Variants in ANKRD11 observed in about 807,000 individuals in gnomAD.
ANKRD11 encodes ankyrin repeat domain 11, also known as ankyrin repeat domain-containing protein 11.
ANKRD11 carries 17 observed loss-of-function variants against 195.7 expected under a neutral mutation model. That is an observed-to-expected ratio of 0.09 (90% CI 0.06 to 0.13). ANKRD11 has a LOEUF of 0.13. Ranked by LOEUF, ANKRD11 falls within the 10% of genes least tolerant of loss-of-function variation. The pLI is 1.00. For synonymous variants in ANKRD11, 1,953 were observed against 1,528.1 expected (o/e 1.28, Z -6.49); for missense variants, 3,735 against 3,566.1 (o/e 1.05, Z -1.21).
chr16:89,348,284 T>C (rs558408405), intron 2 of ANKRD11, among the ~76,000 whole-genome samples: 18 of 152,302 alleles, frequency 1.2e-4, no homozygotes, highest in African/African-American at 3.6e-4. Context: ...GGCATTTCAT[T>C]TTCCTTATGT....
chr16:89,308,261 T>C (rs760202644), intron 3 of ANKRD11, among the ~76,000 whole-genome samples: 3 of 152,170 alleles, frequency 2.0e-5, no homozygotes, highest in Non-Finnish European at 4.4e-5. Flanking sequence ...AGCAATGTAA[T>C]TCACCACATT....
intron 2 of ANKRD11, among the ~76,000 whole-genome samples, chr16:89,378,859 T>C (rs756976331): frequency 7.1e-6 from 1 of 141,256 alleles, no homozygotes; most frequent in Non-Finnish European, 1.5e-5. Context: ...AAGGGGTTGA[T>C]GGGTGGGGCG....
rs755705692 is a variant in ANKRD11 at position 89,285,100 on chromosome 16, G to A, written c.1442C>T (p.Ser481Leu). 2.0e-5 allele frequency: 32 copies of A among 1,613,656 alleles called. No homozygotes were observed. Among genetic ancestry groups the A allele is most frequent in the Admixed American group, 8.3e-5 (5 of 60,010 alleles). Residue 481 changes from serine to leucine, a missense_variant, in exon 9 of 13, where the codon TCG becomes TTG. Transcript: ENST00000301030. This position sits in a 1 kb window ranked among gnomAD's most constrained non-coding sequence, Gnocchi z 5.6. The part of the protein sequence containing the change: ...KRSDKFCSSE[S>L]ESESSESGED... ...CCCACTCTCTGAGGACTCGCTCTCCGACTCCGAGGAGCAGAACTTGTCGCT... is the reference window on the plus strand; with the variant it reads ...CCCACTCTCTGAGGACTCGCTCTCCAACTCCGAGGAGCAGAACTTGTCGCT...
chr16:89,369,413 G>A (rs1157679673), intron 2 of ANKRD11, among the ~76,000 whole-genome samples: 1 of 152,252 alleles, frequency 6.6e-6, no homozygotes, highest in Non-Finnish European at 1.5e-5. Context: ...GTGCTCTGAT[G>A]CCTGCTGCAG....
intron 2 of ANKRD11, among the ~76,000 whole-genome samples, chr16:89,383,542 A>G (rs2040757358): frequency 6.6e-6 from 1 of 152,232 alleles, no homozygotes; most frequent in East Asian, 1.9e-4. Context: ...AAGAAGGAAG[A>G]GCCATGAAGT....
intron 2 of ANKRD11, among the ~76,000 whole-genome samples, chr16:89,354,106 C>A (rs1243582345): frequency 6.6e-6 from 1 of 152,172 alleles, no homozygotes; most frequent in African/African-American, 2.4e-5. Context: ...CCCTCAGGTG[C>A]CGCCTGCAAG....
chr16:89,293,414 G>A (rs2035193980), intron 4 of ANKRD11, among the ~76,000 whole-genome samples: 1 of 150,682 alleles, frequency 6.6e-6, no homozygotes, highest in Non-Finnish European at 1.5e-5. Flanking sequence ...TTGGGGTTGC[G>A]GAGGGAGGAG....
At chr16:89,441,885 G>A (rs556002979) in intron 1 of ANKRD11, among the ~76,000 whole-genome samples, 11 of 150,564 alleles carry the variant, frequency 7.3e-5, no homozygotes, top group Non-Finnish European at 1.5e-5. Flanking sequence ...GGTGGCAGCC[G>A]ACTATGGCAC....
At chr16:89,482,930 G>C (rs1237069197) in intron 1 of ANKRD11, among the ~76,000 whole-genome samples, 1 of 152,208 alleles carries the variant, frequency 6.6e-6, no homozygotes, top group African/African-American at 2.4e-5. Context: ...GGAGCCTCCA[G>C]AAGGAACCAG....
chr16:89,304,537 TAC>T (rs766947596), intron 4 of ANKRD11, among the ~76,000 whole-genome samples: 2 of 138,070 alleles, frequency 1.4e-5, no homozygotes, highest in African/African-American at 5.6e-5. Context: ...CACACATGGG[TAC>T]ACACAAGCAC....
intron 2 of ANKRD11, among the ~76,000 whole-genome samples, chr16:89,399,914 T>C (rs2041622840): frequency 6.6e-6 from 1 of 152,178 alleles, no homozygotes; most frequent in Non-Finnish European, 1.5e-5. Flanking sequence ...GAAGGTCCAG[T>C]GCACCAGGAC....
At chr16:89,483,992 C>A (rs919992806) in intron 1 of ANKRD11, among the ~76,000 whole-genome samples, 2 of 152,226 alleles carry the variant, frequency 1.3e-5, no homozygotes, top group Middle Eastern at 3.4e-3. Context: ...TCCACAAAGT[C>A]TAAAAATTCC....
At chr16:89,322,184 GTT>G (rs2037367247) in intron 2 of ANKRD11, among the ~76,000 whole-genome samples, 2 of 152,154 alleles carry the variant, frequency 1.3e-5, no homozygotes, top group African/African-American at 4.8e-5. Context: ...TTGTTCAAGG[GTT>G]TGCTGTAATT....
At chr16:89,450,089 T>A (rs2044000859) in intron 1 of ANKRD11, among the ~76,000 whole-genome samples, 1 of 152,184 alleles carries the variant, frequency 6.6e-6, no homozygotes, top group Non-Finnish European at 1.5e-5. Flanking sequence ...ACAATTGTGT[T>A]ACTGAATGTG....
chr16:89,322,790 C>T (rs1197479200), intron 2 of ANKRD11, among the ~76,000 whole-genome samples: 1 of 152,108 alleles, frequency 6.6e-6, no homozygotes. Flanking sequence ...TGAGGTGTGG[C>T]CTGCCTGCAG....
chr16:89,305,765 G>A (rs1308857746), intron 3 of ANKRD11, among the ~76,000 whole-genome samples: 7 of 130,860 alleles, frequency 5.3e-5, no homozygotes, highest in Non-Finnish European at 7.9e-5. Context: ...CCGCAGACAC[G>A]CGCCACCTCC....
At chr16:89,322,656 T>G (rs564042673) in intron 2 of ANKRD11, among the ~76,000 whole-genome samples, 1 of 152,242 alleles carries the variant, frequency 6.6e-6, no homozygotes, top group Admixed American at 6.5e-5. Context: ...AAAGGCCTGT[T>G]TGCCTTGAGG....
intron 2 of ANKRD11, among the ~76,000 whole-genome samples, chr16:89,382,335 ATT>A (rs869040630): frequency 0.021 from 3,179 of 151,246 alleles, 127 homozygotes; most frequent in African/African-American, 0.074. Context: ...ATATATATAT[ATT>A]TTTTTAAAGA....
At chr16:89,404,285 G>C (rs941006968) in intron 2 of ANKRD11, among the ~76,000 whole-genome samples, 6 of 152,110 alleles carry the variant, frequency 3.9e-5, no homozygotes, top group Non-Finnish European at 7.4e-5. Context: ...TAAATCACCA[G>C]CAAAGACTCT....
Sources: allele counts gnomAD v4.1 joint callset (sites outside exome capture counted in the v4.1 genomes callset), GRCh38; gene constraint gnomAD v4.1.1; non-coding constraint Gnocchi (gnomAD v3.1); transcripts MANE v1.5; gene names NCBI Gene and HGNC (gene_info 2026-07-23, HGNC 2026-07-21).